TPTE2: variants seen among roughly 807,000 people sequenced by gnomAD.
TPTE2 encodes transmembrane phosphoinositide 3-phosphatase and tensin homolog 2.
Under a neutral mutation model 78.6 loss-of-function variants are expected in TPTE2, and 53 were observed. The observed-to-expected ratio is 0.67, with a 90% CI of 0.54 to 0.85. The LOEUF (loss-of-function observed/expected upper bound fraction) is 0.85. Among genes scored for constraint, TPTE2 ranks in the 40% least tolerant of loss-of-function variants. The pLI, the probability that TPTE2 is intolerant of heterozygous loss-of-function variation, is 0.00. For synonymous variants in TPTE2, 175 were observed against 206.2 expected, an observed-to-expected ratio of 0.85 and a Z score of 1.30; for missense variants, 461 against 623.0, an observed-to-expected ratio of 0.74 and a Z score of 2.77.
rs1593386980 is a variant in TPTE2, at chr13:19,482,369, A to G, written c.179+119T>C. 3.4e-6 allele frequency: 4 copies of G among 1,161,102 alleles called. No homozygotes were observed. In the African/African-American group the frequency reaches 6.3e-5, roughly 18 times the overall value. 71.9% of individuals were successfully genotyped at this position (1,161,102 alleles called of 1,614,324 possible). ...TAAATACGGTGTACCCTCCCACCATACATTTTGATATCTTTCCATAGTTTC... is the reference window on the plus strand; with the variant it reads ...TAAATACGGTGTACCCTCCCACCATGCATTTTGATATCTTTCCATAGTTTC... On this transcript the variant is annotated intron_variant, in intron 4 of 19. Coordinates refer to ENST00000400230, the Ensembl canonical transcript of TPTE2.
chr13:19,560,598 A>T, the TPTE2 span: 2 of 1,601,726 alleles, frequency 1.2e-6, no homozygotes, highest in Admixed American at 3.3e-5. Flanking sequence ...CAAAGAGGTC[A>T]CAGAGGGTAG....
chr13:19,429,489 G>A lies in TPTE2; in HGVS notation c.1302+979C>T, dbSNP rs554224096. On this transcript the variant is annotated intron_variant, in intron 17 of 19. Coordinates refer to ENST00000400230, the Ensembl canonical transcript of TPTE2. ...GAGACTGGCGAATGCATTTGAGTTG[G>A]AGTGGAAACTGTTCATGTTGTAGCT... Among the ~76,000 whole-genome samples, 117 of 152,340 alleles carry A rather than the reference G, an allele frequency of 7.7e-4. 1 individual carries two copies. In the South Asian group the frequency reaches 0.024, roughly 31 times the overall value.
chr13:19,465,239 A>G lies in TPTE2; in HGVS notation c.676+16T>C, dbSNP rs1593373776. 1 of 1,613,876 alleles carries G rather than the reference A, an allele frequency of 6.2e-7. No individual in the cohort carries two copies. Among genetic ancestry groups the G allele is most frequent in the East Asian group, 2.2e-5 (1 of 44,856 alleles). On this transcript the variant is annotated intron_variant, in intron 9 of 19. Transcript: ENST00000400230. ...GTGAAGTAATACAAGTAAATCAACC[A>G]TTAAGTGTCACAAACCTGTAACGTA...
At chr13:19,528,857 C>G (rs549879134) in intron 1 of TPTE2, among the ~76,000 whole-genome samples, 1 of 152,120 alleles carries the variant, frequency 6.6e-6, no homozygotes, top group Middle Eastern at 3.2e-3. Flanking sequence ...TGGTGGCTCA[C>G]GCCTGTAATC....
intron 6 of TPTE2, among the ~76,000 whole-genome samples, chr13:19,472,277 T>G (rs1879666994): frequency 6.6e-6 from 1 of 152,242 alleles, no homozygotes; most frequent in South Asian, 2.1e-4. Context: ...CCACCTCCTC[T>G]TTAAGGCCAA....
chr13:19,474,855 AAG>A (rs1477755252), intron 5 of TPTE2, among the ~76,000 whole-genome samples: 2 of 152,248 alleles, frequency 1.3e-5, no homozygotes, highest in Non-Finnish European at 2.9e-5. Context: ...TTATGTAGAG[AAG>A]AGTCTAAGTA....
intron 11 of TPTE2, among the ~76,000 whole-genome samples, 196 bp downstream of exon 14, chr13:19,450,969 C>T (rs1317231614): frequency 6.6e-6 from 1 of 152,164 alleles, no homozygotes; most frequent in East Asian, 1.9e-4. Flanking sequence ...AAGCCACATC[C>T]TTCATACGGT....
intron 1 of TPTE2, among the ~76,000 whole-genome samples, chr13:19,527,637 G>C (rs573481740): frequency 6.6e-6 from 1 of 152,302 alleles, no homozygotes; most frequent in South Asian, 2.1e-4. Context: ...CACTTTGGGA[G>C]ACCAAGGCAG....
exon 13 of TPTE2, chr13:19,450,076 C>T (rs781326939): frequency 3.7e-6 from 6 of 1,610,540 alleles, no homozygotes; most frequent in African/African-American, 2.7e-5. Flanking sequence ...ATGTTATTAC[C>T]TTTGCCTCCT....
At chr13:19,462,362 C>A (rs547673025) in intron 10 of TPTE2, among the ~76,000 whole-genome samples, 2 of 152,022 alleles carry the variant, frequency 1.3e-5, no homozygotes, top group South Asian at 2.1e-4. Flanking sequence ...GATAGCTCTA[C>A]TAGGTATAGT....
chr13:19,542,191 G>T, the TPTE2 span, among the ~76,000 whole-genome samples: 1 of 151,980 alleles, frequency 6.6e-6, no homozygotes, highest in African/African-American at 2.4e-5. Context: ...GTCTTGCTCT[G>T]TCACTCAGGA....
intron 11 of TPTE2, 131 bp downstream of exon 14, chr13:19,451,034 G>C: frequency 4.4e-6 from 5 of 1,126,034 alleles, no homozygotes; most frequent in Non-Finnish European, 5.0e-6. Flanking sequence ...CCAAGATGGG[G>C]ATTTTTAAAT....
At chr13:19,527,842 A>C (rs9506127) in intron 1 of TPTE2, among the ~76,000 whole-genome samples, 117,370 of 152,250 alleles carry the variant, frequency 0.77, 46,869 homozygotes, top group East Asian at 0.96. Context: ...CAGGTCCTAG[A>C]AGGACTTGGT....
At chr13:19,539,964 C>G (rs1871392488), upstream of TPTE2, among the ~76,000 whole-genome samples, 1 of 152,040 alleles carries the variant, frequency 6.6e-6, no homozygotes, top group Non-Finnish European at 1.5e-5. Context: ...GACCAACAGG[C>G]TGAAACCCTA....
At chr13:19,461,777 T>G (rs907040859) in intron 10 of TPTE2, among the ~76,000 whole-genome samples, 4 of 152,206 alleles carry the variant, frequency 2.6e-5, no homozygotes, top group African/African-American at 9.7e-5. Flanking sequence ...CTTCATACAG[T>G]TTGACTTAAA....
chr13:19,450,697 T>C (rs575854355), intron 11 of TPTE2, among the ~76,000 whole-genome samples: 1 of 152,164 alleles, frequency 6.6e-6, no homozygotes, highest in African/African-American at 2.4e-5. Flanking sequence ...AGTATACAGG[T>C]AGAGGAAAAA....
intron 1 of TPTE2, among the ~76,000 whole-genome samples, chr13:19,523,106 A>G (rs970129823): frequency 3.3e-5 from 5 of 152,180 alleles, no homozygotes; most frequent in African/African-American, 1.2e-4. Context: ...CCTCCTAGTC[A>G]GGTCACGTAA....
chr13:19,534,344 C>T (rs566598283), intron 1 of TPTE2, among the ~76,000 whole-genome samples: 1 of 152,298 alleles, frequency 6.6e-6, no homozygotes, highest in African/African-American at 2.4e-5. Context: ...TAAGTCAAAG[C>T]ATCATAAGCC....
intron 1 of TPTE2, among the ~76,000 whole-genome samples, chr13:19,517,657 G>C (rs370375041): frequency 2.7e-4 from 41 of 152,290 alleles, no homozygotes; most frequent in African/African-American, 8.9e-4. Flanking sequence ...CTCACCTCTA[G>C]GTTTTTACCT....
Sources: allele counts gnomAD v4.1 joint callset (sites outside exome capture counted in the v4.1 genomes callset), GRCh38; gene constraint gnomAD v4.1.1; transcripts MANE v1.5; gene names NCBI Gene and HGNC (gene_info 2026-07-23, HGNC 2026-07-21).